ARHGAP24: variants seen among roughly 807,000 people sequenced by gnomAD.
ARHGAP24 encodes the protein rho GTPase-activating protein 24.
A neutral mutation model predicts 76.4 loss-of-function variants in ARHGAP24; 50 were observed. The observed-to-expected ratio is 0.65, with a 90% confidence interval of 0.52 to 0.83. The LOEUF is 0.83. Among genes scored for constraint, ARHGAP24 ranks in the 40% least tolerant of loss-of-function variants. The pLI, the probability that ARHGAP24 is intolerant of heterozygous loss-of-function variation, is 0.00. For synonymous variants in ARHGAP24, 345 were observed against 323.3 expected, an observed-to-expected ratio of 1.07 and a Z score of -0.72; for missense variants, 930 against 914.2, an observed-to-expected ratio of 1.02 and a Z score of -0.22.
intron 3 of ARHGAP24, among the ~76,000 whole-genome samples, chr4:85,784,052 T>G (rs964101210): frequency 2.6e-5 from 4 of 152,210 alleles, no homozygotes; most frequent in African/African-American, 9.6e-5. Flanking sequence ...CTTGCCTCCC[T>G]CTGAGTTGAT....
intron 2 of ARHGAP24, among the ~76,000 whole-genome samples, chr4:85,646,807 A>G (rs1721739174): frequency 6.6e-6 from 1 of 152,108 alleles, no homozygotes. Flanking sequence ...GGTGCTTGCT[A>G]TATTTTTGAA....
At chr4:85,478,516 G>A (rs528687678) in intron 1 of ARHGAP24, among the ~76,000 whole-genome samples, 1 of 151,584 alleles carries the variant, frequency 6.6e-6, no homozygotes, top group Admixed American at 6.6e-5. Context: ...CAAAAAAGCA[G>A]CATCTACACT....
In ARHGAP24 at chr4:85,951,233, G is replaced by A. The variant is rs534206633; in HGVS notation, c.599+8960G>A. Among the ~76,000 whole-genome samples the A allele has an allele frequency of 7.9e-5, 12 of 152,162 alleles. No homozygotes were observed. In the South Asian group the frequency reaches 2.5e-3, roughly 32 times the overall value. On this transcript the variant is annotated intron_variant, in intron 5 of 9. Coordinates refer to ENST00000395184, the MANE Select transcript of ARHGAP24 (RefSeq NM_001025616.3). ...GTAATAAGAAGAGAATAACATATTT[G>A]TGGCAAAATGTAATTGTGAGATACA...
At position 85,883,242 on chromosome 4, in the gene ARHGAP24, A is replaced by G. The variant is rs148369763; in HGVS notation, c.269-40406A>G. On this transcript the variant is annotated intron_variant, in intron 3 of 9. Coordinates refer to ENST00000395184, the MANE Select transcript of ARHGAP24 (RefSeq NM_001025616.3). ...AGAGGAACTTCAAAAGATGGAAGGG[A>G]CACCTGGTTGAAAGGGCTTGTGATC... Among the ~76,000 whole-genome samples the G allele has an allele frequency of 2.7e-3, 408 of 152,330 alleles. 1 individual carries two copies. The highest frequency in any genetic ancestry group is 4.5e-3 in the Non-Finnish European group (304 of 68,024).
chr4:85,656,700 T>A (rs1671853024), intron 2 of ARHGAP24, among the ~76,000 whole-genome samples: 1 of 152,104 alleles, frequency 6.6e-6, no homozygotes, highest in African/African-American at 2.4e-5. Flanking sequence ...TCTCCTGACC[T>A]CGTGATCCAC....
chr4:85,829,234 T>C (rs1472101440), intron 3 of ARHGAP24, among the ~76,000 whole-genome samples: 2 of 152,176 alleles, frequency 1.3e-5, no homozygotes, highest in Non-Finnish European at 2.9e-5. Context: ...AAAATTGATA[T>C]CCATTTTGAT....
intron 1 of ARHGAP24, among the ~76,000 whole-genome samples, chr4:85,491,246 C>T (rs1234775832): frequency 1.3e-5 from 2 of 152,056 alleles, no homozygotes; most frequent in South Asian, 2.1e-4. Context: ...GGTTTTAGAT[C>T]ATAATTTTTT....
At chr4:85,787,589 G>T (rs1727911126) in intron 3 of ARHGAP24, among the ~76,000 whole-genome samples, 1 of 152,094 alleles carries the variant, frequency 6.6e-6, no homozygotes, top group Non-Finnish European at 1.5e-5. Flanking sequence ...ACTCCATAAG[G>T]ACTCAGGGTT....
At position 85,683,130 on chromosome 4, in the gene ARHGAP24, CG is replaced by C. The variant is rs1455508580; in HGVS notation, c.181-38750del. 2.5e-3 allele frequency among the ~76,000 whole-genome samples: 185 copies of C among 74,502 alleles called. 1 individual carries two copies. The highest frequency in any genetic ancestry group is 7.2e-3 in the African/African-American group (177 of 24,454). The allele number at this position is 74,502 out of a possible 152,430, so 48.9% of individuals were successfully genotyped here. ...TGTGTGGGGGGGTGGGGGGGGGGTGCGGGGGCTGTAAAAAGGTGGCAGTGAG... is the reference window on the plus strand; with the variant it reads ...TGTGTGGGGGGGTGGGGGGGGGGTGCGGGGCTGTAAAAAGGTGGCAGTGAG... On this transcript the variant is annotated intron_variant, in intron 2 of 9. Coordinates refer to ENST00000395184, the MANE Select transcript of ARHGAP24 (RefSeq NM_001025616.3).
chr4:85,849,397 G>A (rs112833809), intron 3 of ARHGAP24, among the ~76,000 whole-genome samples: 2 of 152,052 alleles, frequency 1.3e-5, no homozygotes, highest in Non-Finnish European at 2.9e-5. Flanking sequence ...CTGCAAACAG[G>A]GACAATTTGA....
At chr4:85,942,331 G>T (rs535525930) in intron 5 of ARHGAP24, 58 bp downstream of exon 5, 6 of 1,574,438 alleles carry the variant, frequency 3.8e-6, no homozygotes, top group East Asian at 2.2e-5. Context: ...CAACTGACAG[G>T]ATGCAGTGAG....
intron 1 of ARHGAP24, among the ~76,000 whole-genome samples, chr4:85,541,753 TAG>T (rs35535958): frequency 0.12 from 18,579 of 151,896 alleles, 3,201 homozygotes; most frequent in African/African-American, 0.39. Context: ...ACTGAAACAA[TAG>T]AGATACTTAT....
intron 3 of ARHGAP24, among the ~76,000 whole-genome samples, chr4:85,754,834 A>G (rs1426778644): frequency 6.6e-6 from 1 of 152,240 alleles, no homozygotes; most frequent in East Asian, 1.9e-4. Context: ...TGTTGTTATC[A>G]TGCGACACTG....
intron 3 of ARHGAP24, among the ~76,000 whole-genome samples, chr4:85,724,489 G>T (rs1725086563): frequency 7.6e-6 from 1 of 131,466 alleles, no homozygotes; most frequent in African/African-American, 3.0e-5. Context: ...TTTTCCATGT[G>T]TGTATATATA....
At chr4:85,680,876 A>C (rs1723179420) in intron 2 of ARHGAP24, among the ~76,000 whole-genome samples, 2 of 151,618 alleles carry the variant, frequency 1.3e-5, no homozygotes, top group Non-Finnish European at 2.9e-5. Flanking sequence ...GAAGCTTAAC[A>C]GTCCCCTCTA....
At chr4:85,725,384 C>CTAT (rs1725130939) in intron 3 of ARHGAP24, among the ~76,000 whole-genome samples, 1 of 152,206 alleles carries the variant, frequency 6.6e-6, no homozygotes, top group Admixed American at 6.5e-5. Flanking sequence ...CTATGTTGAA[C>CTAT]TATTTCCTGT....
chr4:85,684,947 TGG>T (rs141939692), intron 2 of ARHGAP24, among the ~76,000 whole-genome samples: 7,555 of 152,218 alleles, frequency 0.05, 596 homozygotes, highest in African/African-American at 0.17. Context: ...ACTGCTTAAC[TGG>T]GGCAGTGTTT....
At chr4:85,738,687 C>T (rs1339300511) in intron 3 of ARHGAP24, among the ~76,000 whole-genome samples, 1 of 152,084 alleles carries the variant, frequency 6.6e-6, no homozygotes, top group African/African-American at 2.4e-5. Context: ...TAATTTAGCT[C>T]TTACATTTAT....
At chr4:85,731,608 T>C (rs544072972) in intron 3 of ARHGAP24, among the ~76,000 whole-genome samples, 17 of 152,262 alleles carry the variant, frequency 1.1e-4, no homozygotes, top group African/African-American at 4.1e-4. Flanking sequence ...TTCATTAACT[T>C]CTCAGACTCT....
Sources: gnomAD v4.1 joint callset for allele counts (sites outside exome capture counted in the v4.1 genomes callset) on GRCh38, gnomAD v4.1.1 for gene constraint, MANE v1.5 for transcripts, NCBI Gene and HGNC (gene_info 2026-07-23, HGNC 2026-07-21) for gene names.